Variants in PATJ observed in about 807,000 individuals in gnomAD.
PATJ encodes PATJ crumbs cell polarity complex component.
In PATJ, 190 loss-of-function variants were observed where a neutral mutation model predicts 224.9. That is an observed-to-expected ratio of 0.84 (90% CI 0.75 to 0.95). The LOEUF (loss-of-function observed/expected upper bound fraction) is 0.95. Ranked by LOEUF, PATJ falls within the 40% of genes least tolerant of loss-of-function variation. The pLI, the probability that PATJ is intolerant of heterozygous loss-of-function variation, is 0.00. For missense variants in PATJ, 2,121 were observed against 2,270.3 expected, an observed-to-expected ratio of 0.93 and a Z score of 1.34; for synonymous variants, 769 against 820.3, an observed-to-expected ratio of 0.94 and a Z score of 1.07.
chr1:62,013,034 G>A (rs1276455166), intron 28 of PATJ, among the ~76,000 whole-genome samples: 1 of 152,240 alleles, frequency 6.6e-6, no homozygotes, highest in Non-Finnish European at 1.5e-5. Context: ...ACCCGTATTG[G>A]CACTGGAAAA....
At chr1:61,901,209 T>C (rs1297676303) in intron 23 of PATJ, 73 bp from the exon 24 acceptor site, 3 of 880,826 alleles carry the variant, frequency 3.4e-6, no homozygotes, top group Non-Finnish European at 4.9e-6. Flanking sequence ...AAGGATATGA[T>C]GCAAATGGAA....
Position 62,163,055 on chromosome 1 carries a change from A to G in PATJ, c.*2001A>G. 1 of 213,614 alleles carries G rather than the reference A, an allele frequency of 4.7e-6. No homozygotes were observed. Among genetic ancestry groups the G allele is most frequent in the Non-Finnish European group, 9.9e-6 (1 of 101,322 alleles). The allele number at this position is 213,614 out of a possible 1,614,324, so 13.2% of individuals were successfully genotyped here. A position where few individuals can be genotyped will look rare whatever the true frequency, so the allele number is the denominator to read the frequency against. ...GCAAATATTTCACAGTAATTATCAA[A>G]ATTTAATGGGCTCTAATTTAAAATG... On this transcript the variant is annotated 3_prime_UTR_variant, in exon 44 of 44. Coordinates refer to ENST00000642238, the MANE Select transcript of PATJ (RefSeq NM_001350145.3).
chr1:61,844,872 T>C (rs1035031730), intron 17 of PATJ, among the ~76,000 whole-genome samples: 1 of 152,156 alleles, frequency 6.6e-6, no homozygotes, highest in Non-Finnish European at 1.5e-5. Context: ...GTGTAAGATG[T>C]GCCTTGCTTC....
intron 22 of PATJ, among the ~76,000 whole-genome samples, chr1:61,894,142 T>TACTC (rs1173813936): frequency 6.6e-6 from 1 of 151,406 alleles, no homozygotes; most frequent in Non-Finnish European, 1.5e-5. Context: ...TAATCCCAGC[T>TACTC]ACTCGGGAGG....
At chr1:61,933,580 G>A (rs1283476709) in intron 27 of PATJ, among the ~76,000 whole-genome samples, 1 of 150,902 alleles carries the variant, frequency 6.6e-6, no homozygotes, top group East Asian at 1.9e-4. Flanking sequence ...CAAGATCACT[G>A]AGAGCATAAA....
intron 1 of PATJ, among the ~76,000 whole-genome samples, chr1:61,758,923 C>T (rs1645804203): frequency 1.3e-5 from 2 of 152,134 alleles, no homozygotes; most frequent in Admixed American, 1.3e-4. Flanking sequence ...TCTAGTTACA[C>T]AAATAGAAAA....
At chr1:61,866,900 T>G (rs574043248) in intron 20 of PATJ, among the ~76,000 whole-genome samples, 5 of 152,344 alleles carry the variant, frequency 3.3e-5, no homozygotes, top group Non-Finnish European at 5.9e-5. Context: ...AGGGGTGGAT[T>G]ATTCATGCCT....
intron 12 of PATJ, among the ~76,000 whole-genome samples, chr1:61,805,088 G>A (rs926558896): frequency 1.3e-5 from 2 of 152,090 alleles, no homozygotes; most frequent in African/African-American, 4.8e-5. Flanking sequence ...ATGTCCTAAT[G>A]TATTATAAAG....
chr1:61,889,562 C>T lies in PATJ; in HGVS notation c.3131+5154C>T, dbSNP rs1014674853. Reference sequence around the variant, plus strand: ...ATGATGAAGTTTAATTTATAAATTACGTACAGTAAGAGATTAACAACAATA... The same window carrying T: ...ATGATGAAGTTTAATTTATAAATTATGTACAGTAAGAGATTAACAACAATA... On this transcript the variant is annotated intron_variant, in intron 22 of 43. Transcript: ENST00000642238. Among the ~76,000 whole-genome samples the T allele has an allele frequency of 2.6e-5, 4 of 152,252 alleles. No individual in the cohort carries two copies. The East Asian group carries it at 5.8e-4, about 22-fold the overall frequency.
chr1:62,128,991 G>T, intron 41 of PATJ, 46 bp downstream of exon 41: 1 of 1,329,606 alleles, frequency 7.5e-7, no homozygotes, highest in South Asian at 1.3e-5. Flanking sequence ...CAGATAAGTG[G>T]CATGCAAAAA....
rs1217129386 is a variant in PATJ, at chr1:61,791,375, G to A, written c.1096G>A (p.Val366Ile). ...SDSSLFETYN[V>I]ELVRKDGQSL... Reference sequence around the variant, plus strand: ...CAGTTCTCTTTTTGAAACTTATAATGTTGAGCTTGTGAGAAAAGATGGGCA... The same window carrying A: ...CAGTTCTCTTTTTGAAACTTATAATATTGAGCTTGTGAGAAAAGATGGGCA... Residue 366 changes from valine (V) to isoleucine (I), a missense_variant, in exon 9 of 44, where the codon GTT becomes ATT. By Grantham distance (29) the Val-to-Ile change is conservative. Transcript: ENST00000642238. 1.9e-6 allele frequency: 3 copies of A among 1,611,612 alleles called. No individual in the cohort carries two copies. The highest frequency in any genetic ancestry group is 1.3e-5 in the African/African-American group (1 of 74,854).
intron 22 of PATJ, among the ~76,000 whole-genome samples, chr1:61,889,233 C>G (rs1014334147): frequency 6.6e-6 from 1 of 152,186 alleles, no homozygotes. Flanking sequence ...GTGAGTGCAC[C>G]AAGGGTAAGT....
At chr1:61,865,919 G>A (rs1665356950) in intron 20 of PATJ, among the ~76,000 whole-genome samples, 1 of 152,124 alleles carries the variant, frequency 6.6e-6, no homozygotes, top group African/African-American at 2.4e-5. Flanking sequence ...TCATGCAAAT[G>A]CTGGTGGCTT....
chr1:61,781,563 C>T (rs984042027), intron 7 of PATJ, among the ~76,000 whole-genome samples: 2 of 152,210 alleles, frequency 1.3e-5, no homozygotes, highest in Non-Finnish European at 2.9e-5. Flanking sequence ...GAGAAATTCT[C>T]AGCACACCTA....
chr1:61,813,358 T>C (rs986068966), intron 14 of PATJ, among the ~76,000 whole-genome samples: 3 of 52,988 alleles, frequency 5.7e-5, no homozygotes, highest in African/African-American at 1.8e-4. Context: ...TATATATATA[T>C]ATATATATAT....
intron 27 of PATJ, among the ~76,000 whole-genome samples, chr1:61,947,371 C>T (rs983470755): frequency 5.9e-5 from 9 of 152,184 alleles, no homozygotes; most frequent in African/African-American, 1.9e-4. Context: ...TCAGCAAAGT[C>T]TCAGGATACA....
chr1:61,938,755 G>A (rs1479732706), intron 27 of PATJ, among the ~76,000 whole-genome samples: 1 of 151,916 alleles, frequency 6.6e-6, no homozygotes, highest in South Asian at 2.1e-4. Context: ...CATTAAAATT[G>A]GTGTAGAAAT....
intron 41 of PATJ, among the ~76,000 whole-genome samples, chr1:62,139,577 G>A (rs1158466416): frequency 2.0e-5 from 3 of 151,960 alleles, no homozygotes; most frequent in Non-Finnish European, 4.4e-5. Flanking sequence ...ATATCTCAGA[G>A]TTGAACTTAC....
intron 1 of PATJ, among the ~76,000 whole-genome samples, chr1:61,759,478 C>T (rs188690314): frequency 4.6e-5 from 7 of 151,736 alleles, no homozygotes; most frequent in Admixed American, 6.6e-5. Context: ...GGCACGATCC[C>T]GGCTCACTGA....
Sources: gnomAD v4.1 joint callset for allele counts (sites outside exome capture counted in the v4.1 genomes callset) on GRCh38, gnomAD v4.1.1 for gene constraint, MANE v1.5 for transcripts, NCBI Gene and HGNC (gene_info 2026-07-23, HGNC 2026-07-21) for gene names.